TPO: variants seen among roughly 807,000 people sequenced by gnomAD.
The protein encoded by TPO is thyroid peroxidase, also known as thyroid microsomal antigen.
Under a neutral mutation model 96.9 loss-of-function variants are expected in TPO, and 78 were observed. That is an observed-to-expected ratio of 0.81 (90% confidence interval 0.67 to 0.97). TPO has a LOEUF of 0.97. Among genes scored for constraint, TPO ranks in the 50% least tolerant of loss-of-function variants. The probability of loss-of-function intolerance (pLI) is 0.00; values close to 1 mark genes in which losing one functional copy is unlikely to be tolerated. For synonymous variants in TPO, 547 were observed against 538.0 expected (o/e 1.02, Z -0.23); for missense variants, 1,252 against 1,274.8 (o/e 0.98, Z 0.27).
intron 3 of TPO, among the ~76,000 whole-genome samples, chr2:1,432,605 C>A (rs1238787710): frequency 9.4e-5 from 12 of 127,910 alleles, no homozygotes; most frequent in African/African-American, 3.7e-4. Flanking sequence ...GGGGTGAGGC[C>A]TGCAGGTGAG....
chr2:1,510,703 G>A (rs952097330), intron 14 of TPO, among the ~76,000 whole-genome samples: 11 of 152,250 alleles, frequency 7.2e-5, no homozygotes, highest in South Asian at 2.1e-4. Context: ...TGCCTGCACC[G>A]TGACCGGGGC....
chr2:1,542,516 A>AAAATCACCGTACG lies in TPO; in HGVS notation c.*44_*56dup. The AAAATCACCGTACG allele has an allele frequency of 6.2e-7, 1 of 1,612,964 alleles. No individual in the cohort carries two copies. The highest frequency in any genetic ancestry group is 8.5e-7 in the Non-Finnish European group (1 of 1,179,466). On this transcript the variant is annotated 3_prime_UTR_variant, in exon 17 of 17. Transcript: ENST00000329066. Reference sequence around the variant, plus strand: ...CACTGCAGAACAGCTTCATGTTCCCAAAATCACCGTACGACTCTTTTCCAA... The same window carrying AAAATCACCGTACG: ...CACTGCAGAACAGCTTCATGTTCCCAAAATCACCGTACGAAATCACCGTACGACTCTTTTCCAA...
intron 15 of TPO, among the ~76,000 whole-genome samples, chr2:1,522,948 C>T (rs1398991375): frequency 6.6e-6 from 1 of 150,394 alleles, no homozygotes; most frequent in Non-Finnish European, 1.5e-5. Flanking sequence ...GTGTAACCTC[C>T]CCAAATTCCC....
At chr2:1,449,147 T>C (rs192007795) in intron 5 of TPO, among the ~76,000 whole-genome samples, 1 of 152,310 alleles carries the variant, frequency 6.6e-6, no homozygotes, top group African/African-American at 2.4e-5. Context: ...TATGGGTATT[T>C]AAGTTATTGG....
chr2:1,535,713 GAAATCCACCCAGTGTGTGCAACCTCCCC>G lies in TPO; in HGVS notation c.2619-4874_2619-4847del, dbSNP rs1558436557. On this transcript the variant is annotated intron_variant, in intron 15 of 16. Coordinates refer to ENST00000329066, the MANE Select transcript of TPO (RefSeq NM_001206744.2). ...ATGCCCCCAGTGTGTGCAACCTCCC[GAAATCCACCCAGTGTGTGCAACCTCCCC>G]AAATCCCCCCACTCTGTGCAACCTC... 4.8e-4 allele frequency among the ~76,000 whole-genome samples: 10 copies of G among 21,028 alleles called. 2 individuals are homozygous for G. The highest frequency in any genetic ancestry group is 4.5e-4 in the Non-Finnish European group (5 of 11,130). 13.8% of individuals were successfully genotyped at this position (21,028 alleles called of 152,430 possible). A position where few individuals can be genotyped will look rare whatever the true frequency, so the allele number is the denominator to read the frequency against.
At position 1,499,382 on chromosome 2, in the gene TPO, T is replaced by G. The variant is rs151283474; in HGVS notation, c.2386+2617T>G. Among the ~76,000 whole-genome samples, 15 of 152,306 alleles carry G rather than the reference T, an allele frequency of 9.8e-5. No individual in the cohort carries two copies. In the East Asian group the frequency reaches 2.1e-3, roughly 22 times the overall value. On this transcript the variant is annotated intron_variant, in intron 13 of 16. Transcript: ENST00000329066. ...TTGAAATTTTTTCATTTATCTTCCT[T>G]GATTTTTAGTCCAACAATTAACAGC...
Position 1,540,710 on chromosome 2 carries a change from A to T in TPO, c.2735A>T (p.Gln912Leu), listed in dbSNP as rs1172495920. ...VGTSPQRAAA[Q>L]DSEQESAGME... The stretch of plus-strand genomic sequence containing the variant: ...ACCTCACCGCAGCGGGCCGCAGCTC[A>T]GGACTCGGAGCAGGTGGGCCACACC... Residue 912 changes from glutamine (Q) to leucine (L), a missense_variant, in exon 16 of 17, where the codon CAG (glutamine) becomes CTG (leucine). By Grantham distance (113) the Gln-to-Leu change is moderately radical (BLOSUM62 -2). Coordinates refer to ENST00000329066, the MANE Select transcript of TPO (RefSeq NM_001206744.2). 6.2e-7 allele frequency: 1 copy of T among 1,613,222 alleles called. No homozygotes were observed. Among genetic ancestry groups the T allele is most frequent in the Admixed American group, 1.7e-5 (1 of 60,030 alleles).
chr2:1,411,400 C>G (rs564409074), upstream of TPO, among the ~76,000 whole-genome samples: 8 of 152,286 alleles, frequency 5.3e-5, no homozygotes, highest in South Asian at 1.7e-3. Flanking sequence ...CCCCCTCTTC[C>G]CAGGTCTCCA....
At chr2:1,399,510 A>G (rs1662133151) in intron 1 of TPO, among the ~76,000 whole-genome samples, 1 of 152,260 alleles carries the variant, frequency 6.6e-6, no homozygotes, top group African/African-American at 2.4e-5. Flanking sequence ...AATAAAACAG[A>G]ACAATTATAA....
chr2:1,487,645 G>A (rs1353131923), intron 9 of TPO, among the ~76,000 whole-genome samples, 176 bp from the exon 10 acceptor site: 1 of 152,130 alleles, frequency 6.6e-6, no homozygotes, highest in Non-Finnish European at 1.5e-5. Flanking sequence ...GCTGAGGCAG[G>A]AGCATGGCGT....
At chr2:1,427,388 T>C (rs757719261) in intron 3 of TPO, among the ~76,000 whole-genome samples, 34 of 152,220 alleles carry the variant, frequency 2.2e-4, no homozygotes, top group Non-Finnish European at 4.4e-4. Flanking sequence ...CAGGTTCACC[T>C]GCAGCAGCCA....
intron 2 of TPO, among the ~76,000 whole-genome samples, chr2:1,421,676 G>A (rs1448000635): frequency 6.6e-6 from 1 of 152,210 alleles, no homozygotes; most frequent in East Asian, 1.9e-4. Flanking sequence ...GAAAATTCCA[G>A]GTGTCTTATA....
intron 8 of TPO, chr2:1,478,224 A>G (rs991544440): frequency 1.0e-6 from 1 of 985,250 alleles, no homozygotes; most frequent in Non-Finnish European, 1.2e-6. Flanking sequence ...CCTTTTATTA[A>G]TTGTGTGATG....
upstream of TPO, among the ~76,000 whole-genome samples, chr2:1,412,553 C>A (rs1662458184): frequency 6.6e-6 from 1 of 150,594 alleles, no homozygotes. Flanking sequence ...TCATCACATT[C>A]TTGGGCTTCA....
upstream of TPO, among the ~76,000 whole-genome samples, chr2:1,408,576 G>A (rs1427326625): frequency 1.3e-5 from 2 of 152,208 alleles, no homozygotes; most frequent in African/African-American, 4.8e-5. Flanking sequence ...AAAAAGATGT[G>A]TAGTTAAAGC....
At chr2:1,542,301 G>A (rs28915684) in intron 16 of TPO, 120 bp from the exon 17 acceptor site, 63,692 of 1,356,866 alleles carry the variant, frequency 0.047, 1,804 homozygotes, top group South Asian at 0.12. Flanking sequence ...GGCTCATCTC[G>A]CCAGCGGTCC....
At chr2:1,459,946 C>CTT (rs142248718) in intron 7 of TPO, among the ~76,000 whole-genome samples, 2 of 140,082 alleles carry the variant, frequency 1.4e-5, no homozygotes, top group East Asian at 2.1e-4. Flanking sequence ...TTCTTTCTTT[C>CTT]TTTTTTTTTT....
intron 4 of TPO, among the ~76,000 whole-genome samples, chr2:1,434,833 C>T (rs570893705): frequency 6.6e-6 from 1 of 152,340 alleles, no homozygotes; most frequent in Admixed American, 6.5e-5. Flanking sequence ...CCCATTACTT[C>T]ATCACCAAGA....
Position 1,477,343 on chromosome 2 carries a change from CG to C in TPO, c.1079del (p.Gly360AlafsTer44). 1 of 1,554,688 alleles carries C rather than the reference CG, an allele frequency of 6.4e-7. No homozygotes were observed. The highest frequency in any genetic ancestry group is 8.7e-7 in the Non-Finnish European group (1 of 1,150,054). ...LRVHARLRDS[G>X]RAYLPFVPPR... ...GCGTCCACGCGCGCCTCCGGGACTC[CG>C]GCCGCGCCTACCTGCCCTTCGTGCC... On this transcript the variant is annotated frameshift_variant, in exon 8 of 17. Coordinates refer to ENST00000329066, the MANE Select transcript of TPO (RefSeq NM_001206744.2). LOFTEE classifies it high-confidence loss of function.
Sources: gnomAD v4.1 joint callset for allele counts (sites outside exome capture counted in the v4.1 genomes callset) on GRCh38, gnomAD v4.1.1 for gene constraint, MANE v1.5 for transcripts, NCBI Gene and HGNC (gene_info 2026-07-23, HGNC 2026-07-21) for gene names.